NAV3: variants seen among roughly 807,000 people sequenced by gnomAD.
NAV3 encodes the protein neuron navigator 3, also known as pore membrane and/or filament interacting like protein 1.
Under a neutral mutation model 244.7 loss-of-function variants are expected in NAV3, and 87 were observed. The ratio of observed to expected loss-of-function variants is 0.36; its 90% confidence interval spans 0.30 to 0.42. NAV3 has a LOEUF of 0.42. NAV3 is among the 20% of genes least tolerant of loss of function. NAV3 has a pLI of 1.00. For missense variants in NAV3, 2,663 were observed against 2,893.3 expected (o/e 0.92, Z 1.83); for synonymous variants, 1,126 against 1,042.2 (o/e 1.08, Z -1.55).
At chr12:77,598,687 A>T (rs986540592) in intron 2 of NAV3, among the ~76,000 whole-genome samples, 1 of 152,004 alleles carries the variant, frequency 6.6e-6, no homozygotes, top group Non-Finnish European at 1.5e-5. Context: ...AGGTAATAAA[A>T]GTACACATTT....
chr12:77,939,289 T>C (rs1339904635), intron 1 of NAV3, among the ~76,000 whole-genome samples: 2 of 152,190 alleles, frequency 1.3e-5, no homozygotes, highest in East Asian at 1.9e-4. Context: ...TCGGCTTTTC[T>C]ATATGTTATA....
At chr12:77,753,565 G>A (rs1868972168) in intron 2 of NAV3, among the ~76,000 whole-genome samples, 1 of 152,058 alleles carries the variant, frequency 6.6e-6, no homozygotes, top group Non-Finnish European at 1.5e-5. Flanking sequence ...TGATTTTGCA[G>A]TTTTTACTAG....
intron 2 of NAV3, among the ~76,000 whole-genome samples, chr12:77,656,819 C>G (rs1050511118): frequency 6.6e-6 from 1 of 151,870 alleles, no homozygotes; most frequent in Non-Finnish European, 1.5e-5. Context: ...CAAAACCGCT[C>G]AACTACATGG....
chr12:77,708,931 A>C (rs1478255357), intron 2 of NAV3, among the ~76,000 whole-genome samples: 2 of 152,176 alleles, frequency 1.3e-5, no homozygotes, highest in African/African-American at 4.8e-5. Context: ...ACTTTGCTGA[A>C]GTTGCTTATC....
At position 78,180,849 on chromosome 12, in the gene NAV3, A is replaced by C. The variant is rs58277077; in HGVS notation, c.5518-22A>C. The C allele has an allele frequency of 2.0e-3, 3,241 of 1,586,082 alleles. 71 individuals carry two copies. The African/African-American group carries it at 0.039, about 19-fold the overall frequency. ...CAATCAAACCAACTCAGTTTTTTTC[A>C]TGTTTTCCATCTTCATAACAGAATG... On this transcript the variant is annotated intron_variant, in intron 29 of 39. Transcript: ENST00000397909.
chr12:77,618,923 C>CAGTTTCATT (rs1225846235), intron 2 of NAV3, among the ~76,000 whole-genome samples: 1 of 152,166 alleles, frequency 6.6e-6, no homozygotes, highest in African/African-American at 2.4e-5. Flanking sequence ...ATGTTTCTTT[C>CAGTTTCATT]AGTTTCATTG....
rs372619479 is a variant in NAV3, at chr12:78,188,964, G to A, written c.6055+187G>A. 5.3e-5 allele frequency among the ~76,000 whole-genome samples: 8 copies of A among 151,726 alleles called. No individual in the cohort carries two copies. The East Asian group carries it at 1.2e-3, about 22-fold the overall frequency. On this transcript the variant is annotated intron_variant, in intron 33 of 39. Transcript: ENST00000397909. Reference sequence around the variant, plus strand: ...TACTACAATCCTACTAAAAACACTAGAATATAAAGAAATTTAGTTCTTTGG... The same window carrying A: ...TACTACAATCCTACTAAAAACACTAAAATATAAAGAAATTTAGTTCTTTGG...
At chr12:78,175,994 G>A (rs888111204) in intron 25 of NAV3, among the ~76,000 whole-genome samples, 11 of 152,050 alleles carry the variant, frequency 7.2e-5, no homozygotes, top group African/African-American at 2.4e-4. Context: ...CTTTGGAATC[G>A]ACAGGGCTTA....
intron 34 of NAV3, among the ~76,000 whole-genome samples, chr12:78,194,637 G>A (rs1276140340): frequency 1.3e-5 from 2 of 151,996 alleles, no homozygotes; most frequent in Non-Finnish European, 2.9e-5. Context: ...CAGGTCACCA[G>A]AAGAATGTTT....
At chr12:77,966,973 G>A (rs1261720709) in intron 4 of NAV3, among the ~76,000 whole-genome samples, 1 of 151,980 alleles carries the variant, frequency 6.6e-6, no homozygotes, top group Non-Finnish European at 1.5e-5. Context: ...GATAAAATTT[G>A]CCATACTTGA....
chr12:77,941,995 C>T (rs1466087240), intron 3 of NAV3, among the ~76,000 whole-genome samples: 2 of 152,158 alleles, frequency 1.3e-5, no homozygotes, highest in Admixed American at 6.6e-5. Context: ...AATATACTGA[C>T]CTACTTTACT....
intron 2 of NAV3, among the ~76,000 whole-genome samples, chr12:77,806,841 T>C (rs1003386224): frequency 6.6e-6 from 1 of 152,232 alleles, no homozygotes; most frequent in African/African-American, 2.4e-5. Flanking sequence ...TTTATGAATC[T>C]GGGTGCTCCT....
intron 2 of NAV3, among the ~76,000 whole-genome samples, chr12:77,656,704 G>C (rs971881754): frequency 6.8e-6 from 1 of 147,526 alleles, no homozygotes; most frequent in African/African-American, 2.6e-5. Flanking sequence ...CCACATAGTT[G>C]GAAGTAAAGC....
intron 2 of NAV3, among the ~76,000 whole-genome samples, chr12:77,660,257 A>G (rs1337930849): frequency 6.6e-6 from 1 of 152,160 alleles, no homozygotes; most frequent in Non-Finnish European, 1.5e-5. Flanking sequence ...GTTTAAATAT[A>G]TGGTTTGTTA....
chr12:77,800,686 T>C (rs1184153359), intron 2 of NAV3, among the ~76,000 whole-genome samples: 1 of 152,154 alleles, frequency 6.6e-6, no homozygotes, highest in African/African-American at 2.4e-5. Flanking sequence ...ATCTGTAGAA[T>C]TGGCCCATAT....
At chr12:78,130,512 C>A in intron 18 of NAV3, 1 of 203,568 alleles carries the variant, frequency 4.9e-6, no homozygotes, top group South Asian at 1.0e-4. Context: ...CCAGGGAAGC[C>A]TCGATTCCTG....
At chr12:78,070,112 G>A (rs959433648) in intron 12 of NAV3, among the ~76,000 whole-genome samples, 5 of 152,060 alleles carry the variant, frequency 3.3e-5, no homozygotes, top group Admixed American at 1.3e-4. Flanking sequence ...TTACTCTAAC[G>A]TCAGACACGT....
chr12:77,666,206 C>G (rs1274158360), intron 2 of NAV3, among the ~76,000 whole-genome samples: 1 of 110,266 alleles, frequency 9.1e-6, no homozygotes, highest in Non-Finnish European at 1.8e-5. Flanking sequence ...TTTGTCTAGT[C>G]AGGGGTCTCT....
At chr12:78,048,207 A>G (rs1882158253) in intron 9 of NAV3, among the ~76,000 whole-genome samples, 1 of 152,088 alleles carries the variant, frequency 6.6e-6, no homozygotes, top group African/African-American at 2.4e-5. Context: ...TCTAAAGTCT[A>G]CTTCTGTAAA....
Sources: allele counts gnomAD v4.1 joint callset (sites outside exome capture counted in the v4.1 genomes callset), GRCh38; gene constraint gnomAD v4.1.1; transcripts MANE v1.5; gene names NCBI Gene and HGNC (gene_info 2026-07-23, HGNC 2026-07-21).